The following GPR160 variants were observed in gnomAD, a reference collection of about 807,000 sequenced individuals.
The protein encoded by GPR160 is G protein-coupled receptor 160.
A neutral mutation model predicts 2.6 loss-of-function variants in GPR160; 2 were observed. The observed-to-expected ratio is 0.77, with a 90% CI of 0.32 to 2.44. GPR160 has a LOEUF of 2.44. GPR160 is among the 30% of genes most tolerant of loss of function. The probability of loss-of-function intolerance (pLI) is 0.11; values close to 1 mark genes in which losing one functional copy is unlikely to be tolerated. For synonymous variants in GPR160, 130 were observed against 132.2 expected (o/e 0.98, Z 0.12); for missense variants, 351 against 383.6 (o/e 0.91, Z 0.71).
chr3:170,075,530 G>A (rs998988313), intron 2 of GPR160, among the ~76,000 whole-genome samples: 11 of 152,152 alleles, frequency 7.2e-5, no homozygotes, highest in Admixed American at 6.5e-4. Flanking sequence ...AATCGCCAGG[G>A]GCTTTGCTTC....
Position 170,084,374 on chromosome 3 carries a change from T to C in GPR160, c.402T>C (p.Cys134=). 6.2e-7 allele frequency: 1 copy of C among 1,607,888 alleles called. No individual in the cohort carries two copies. The highest frequency in any genetic ancestry group is 8.5e-7 in the Non-Finnish European group (1 of 1,175,178). Reference sequence around the variant, plus strand: ...AAACAACCAAGCTTTCATTTAAGTGTCAAAAATTATTTTATTTCTTTACAG... The same window carrying C: ...AAACAACCAAGCTTTCATTTAAGTGCCAAAAATTATTTTATTTCTTTACAG... ...FSKTTKLSFK[C]QKLFYFFTVI... The change falls in exon 4 of 4, where the codon TGT becomes TGC. Residue 134 remains cysteine (C), a synonymous_variant. Coordinates refer to ENST00000355897, the MANE Select transcript of GPR160 (RefSeq NM_014373.3).
At chr3:170,080,827 A>G (rs1254504826) in intron 3 of GPR160, among the ~76,000 whole-genome samples, 1 of 152,100 alleles carries the variant, frequency 6.6e-6, no homozygotes, top group Non-Finnish European at 1.5e-5. Context: ...CTGCCTCCCA[A>G]GTAGCTGGAA....
chr3:170,078,183 A>C (rs1712959824), intron 2 of GPR160, among the ~76,000 whole-genome samples: 1 of 152,216 alleles, frequency 6.6e-6, no homozygotes, highest in Non-Finnish European at 1.5e-5. Flanking sequence ...CTCTGGGAGC[A>C]AGTGGGAAGA....
At chr3:170,044,190 G>A (rs904731051) in intron 2 of GPR160, among the ~76,000 whole-genome samples, 2 of 151,894 alleles carry the variant, frequency 1.3e-5, no homozygotes, top group Admixed American at 6.6e-5. Context: ...CTGGCGTGGT[G>A]GTGTATGCCT....
chr3:170,044,780 C>G (rs148425501), intron 2 of GPR160, among the ~76,000 whole-genome samples: 1,635 of 152,264 alleles, frequency 0.011, 33 homozygotes, highest in African/African-American at 0.038. Context: ...CAAAGGGCCC[C>G]TCTCCCCCAT....
chr3:170,044,255 C>T (rs1716594283), intron 2 of GPR160, among the ~76,000 whole-genome samples: 2 of 125,676 alleles, frequency 1.6e-5, no homozygotes, highest in South Asian at 2.6e-4. Flanking sequence ...ACTCAGGGGG[C>T]GGAGGTTGCG....
chr3:170,043,799 T>TA (rs931245647), intron 2 of GPR160, among the ~76,000 whole-genome samples: 9 of 150,558 alleles, frequency 6.0e-5, no homozygotes, highest in South Asian at 2.1e-4. Flanking sequence ...GCATAGAGCT[T>TA]AAAAAAAAAC....
intron 2 of GPR160, chr3:170,062,400 T>A (rs16854827): frequency 0.013 from 4,954 of 388,536 alleles, 206 homozygotes; most frequent in African/African-American, 0.094. Context: ...TTTTCCTCCG[T>A]GAGCCTAACA....
At chr3:170,067,711 C>T (rs1712414937) in intron 2 of GPR160, among the ~76,000 whole-genome samples, 1 of 152,036 alleles carries the variant, frequency 6.6e-6, no homozygotes, top group African/African-American at 2.4e-5. Flanking sequence ...GAAGTTTTAC[C>T]ACCCAAATGC....
chr3:170,084,439 G>C lies in GPR160; in HGVS notation c.467G>C (p.Gly156Ala). The C allele has an allele frequency of 6.2e-7, 1 of 1,611,964 alleles. No homozygotes were observed. Among genetic ancestry groups the C allele is most frequent in the East Asian group, 2.2e-5 (1 of 44,828 alleles). ...IWISVLAYVL[G>A]DPAIYQSLKA... ...ATTTCAGTCCTTGCTTATGTTTTGG[G>C]AGACCCAGCCATCTACCAAAGCCTG... is the stretch of plus-strand genomic sequence containing the variant. The change falls in exon 4 of 4, where the codon GGA (glycine) becomes GCA (alanine). Residue 156 changes from glycine to alanine, a missense_variant. By Grantham distance (60) the Gly-to-Ala change is moderately conservative. Transcript: ENST00000355897.
intron 2 of GPR160, among the ~76,000 whole-genome samples, chr3:170,055,584 AT>A (rs1247039406): frequency 1.3e-5 from 2 of 152,188 alleles, no homozygotes; most frequent in Non-Finnish European, 2.9e-5. Context: ...ACTAAAGGAC[AT>A]GATAATCATT....
chr3:170,059,526 C>T (rs891139113), intron 2 of GPR160, among the ~76,000 whole-genome samples: 3 of 152,172 alleles, frequency 2.0e-5, no homozygotes, highest in African/African-American at 7.2e-5. Flanking sequence ...AATCAATATA[C>T]TAATGTCATT....
chr3:170,080,252 C>T (rs1355520834), intron 3 of GPR160, among the ~76,000 whole-genome samples: 1 of 152,124 alleles, frequency 6.6e-6, no homozygotes, highest in Non-Finnish European at 1.5e-5. Flanking sequence ...ATTTTGAACA[C>T]TTATAGTGGT....
At position 170,038,060 on chromosome 3, in the gene GPR160, C is replaced by T. The variant is rs1248268995; in HGVS notation, c.-477C>T. 6.5e-6 allele frequency: 1 copy of T among 152,814 alleles called. No individual in the cohort carries two copies. The highest frequency in any genetic ancestry group is 1.8e-4 in the South Asian group (1 of 5,482). 9.5% of individuals were successfully genotyped at this position (152,814 alleles called of 1,614,324 possible). The stretch of plus-strand genomic sequence containing the variant: ...GCCGCGGGGTCCCGGGGCCGTGCTC[C>T]CCTGCCCCTCCCGGGAGCGCGCGGG... On this transcript the variant is annotated 5_prime_UTR_variant, in exon 1 of 4. Transcript: ENST00000355897. This position sits in a 1 kb window ranked among gnomAD's most constrained non-coding sequence, Gnocchi z 5.3.
At chr3:170,063,513 GAC>G (rs923685115) in intron 2 of GPR160, among the ~76,000 whole-genome samples, 3 of 128,096 alleles carry the variant, frequency 2.3e-5, no homozygotes, top group African/African-American at 9.3e-5. Flanking sequence ...CAGCCTGGGT[GAC>G]AGAGTGAGAC....
At chr3:170,052,131 G>A (rs566070765) in intron 2 of GPR160, among the ~76,000 whole-genome samples, 2 of 152,214 alleles carry the variant, frequency 1.3e-5, no homozygotes, top group Non-Finnish European at 2.9e-5. Flanking sequence ...TCACCATGTC[G>A]ACCAGGTTGA....
At chr3:170,048,794 A>G (rs1280409922) in intron 2 of GPR160, among the ~76,000 whole-genome samples, 3 of 152,224 alleles carry the variant, frequency 2.0e-5, no homozygotes, top group Non-Finnish European at 4.4e-5. Context: ...CCTCCAGGAC[A>G]AATGTCCTCT....
At chr3:170,063,552 C>A (rs145970399) in intron 2 of GPR160, among the ~76,000 whole-genome samples, 89 of 78,934 alleles carry the variant, frequency 1.1e-3, no homozygotes, top group African/African-American at 2.3e-3. Flanking sequence ...ACAAAAAAAG[C>A]AAAAAAAAAA....
intron 2 of GPR160, among the ~76,000 whole-genome samples, chr3:170,043,080 G>A (rs1423238600): frequency 6.6e-6 from 1 of 151,698 alleles, no homozygotes; most frequent in African/African-American, 2.4e-5. Flanking sequence ...ACGGGGTTTC[G>A]CCATGTTAGC....
Sources: gnomAD v4.1 joint callset for allele counts (sites outside exome capture counted in the v4.1 genomes callset) on GRCh38, gnomAD v4.1.1 for gene constraint, Gnocchi (gnomAD v3.1) non-coding constraint, MANE v1.5 for transcripts, NCBI Gene and HGNC (gene_info 2026-07-23, HGNC 2026-07-21) for gene names.